Variants in TRIM71 observed in about 807,000 individuals in gnomAD.
The protein encoded by TRIM71 is tripartite motif containing 71.
TRIM71 carries 9 observed loss-of-function variants against 61.2 expected under a neutral mutation model. That is an observed-to-expected ratio of 0.15 (90% CI 0.09 to 0.26). The LOEUF is 0.26. Ranked by LOEUF, TRIM71 falls within the 10% of genes least tolerant of loss-of-function variation. The pLI is 1.00. For synonymous variants in TRIM71, 645 were observed against 553.2 expected (o/e 1.17, Z -2.33); for missense variants, 998 against 1,238.7 (o/e 0.81, Z 2.92).
chr3:32,828,903 C>T (rs1470600247), intron 1 of TRIM71, among the ~76,000 whole-genome samples: 2 of 152,138 alleles, frequency 1.3e-5, no homozygotes, highest in East Asian at 1.9e-4. Flanking sequence ...TGATCTTGAA[C>T]TCTTGGCCTC....
chr3:32,891,197 C>G lies in TRIM71; in HGVS notation c.1993C>G (p.Arg665Gly). The G allele has an allele frequency of 6.2e-7, 1 of 1,613,598 alleles. No individual in the cohort carries two copies. The highest frequency in any genetic ancestry group is 8.5e-7 in the Non-Finnish European group (1 of 1,179,840). ...RPAGVACDAS[R>G]RIVVADKDNH... ...AGCCGGCGTGGCCTGTGACGCCTCA[C>G]GCAGGATCGTGGTGGCTGACAAGGA... is the stretch of plus-strand genomic sequence containing the variant. The change falls in exon 4 of 4, where the codon CGC becomes GGC. Residue 665 changes from arginine to glycine, a missense_variant. Physicochemically the swap from Arg to Gly is moderately radical, Grantham distance 125. This residue lies in a region of TRIM71 where 83 missense variants were observed against 202.7 expected (regional missense o/e 0.41). Transcript: ENST00000383763. The surrounding 1 kb of genome is among the most constrained non-coding windows in gnomAD (Gnocchi z 8.2).
Position 32,818,344 on chromosome 3 carries a change from G to T in TRIM71, c.264G>T (p.Lys88Asn). The T allele has an allele frequency of 6.9e-7, 1 of 1,453,516 alleles. No individual in the cohort carries two copies. The highest frequency in any genetic ancestry group is 9.0e-7 in the Non-Finnish European group (1 of 1,107,414). The allele number at this position is 1,453,516 out of a possible 1,614,324, so 90.0% of individuals were successfully genotyped here. A position where few individuals can be genotyped will look rare whatever the true frequency, so the allele number is the denominator to read the frequency against. The change falls in exon 1 of 4, where the codon AAG (lysine) becomes AAT (asparagine). Residue 88 changes from lysine (K) to asparagine (N), a missense_variant. Transcript: ENST00000383763. The stretch of plus-strand genomic sequence containing the variant: ...GCGGCGCGGCGGGAGAGCCGCTCAA[G>T]CTGCGCTGCCCCGTGTGCGACCAGA... The part of the protein sequence containing the change: ...AGGGAAGEPL[K>N]LRCPVCDQKV...
At chr3:32,842,775 A>G (rs866791172) in intron 1 of TRIM71, among the ~76,000 whole-genome samples, 6 of 132,940 alleles carry the variant, frequency 4.5e-5, no homozygotes, top group African/African-American at 1.7e-4. Flanking sequence ...CCCCACCCCC[A>G]CCCAAGAACC....
At chr3:32,869,891 G>T (rs531786570) in intron 1 of TRIM71, among the ~76,000 whole-genome samples, 4 of 152,318 alleles carry the variant, frequency 2.6e-5, no homozygotes, top group Admixed American at 2.6e-4. Flanking sequence ...GAGGGGGCGT[G>T]TCTGTGCATC....
In TRIM71 at chr3:32,875,664, A is replaced by G. The variant is rs558491737; in HGVS notation, c.1020+1679A>G. Among the ~76,000 whole-genome samples the G allele has an allele frequency of 4.6e-4, 70 of 151,964 alleles. No individual in the cohort carries two copies. The East Asian group carries it at 0.013, about 27-fold the overall frequency. On this transcript the variant is annotated intron_variant, in intron 2 of 3. Coordinates refer to ENST00000383763, the MANE Select transcript of TRIM71 (RefSeq NM_001039111.3). ...AGACCAGCCTGGGCAACATGGGGAAACCCTACAAAAAGTACCAAAATTAGC... is the reference window on the plus strand; with the variant it reads ...AGACCAGCCTGGGCAACATGGGGAAGCCCTACAAAAAGTACCAAAATTAGC...
At chr3:32,869,515 T>C (rs550441468) in intron 1 of TRIM71, among the ~76,000 whole-genome samples, 1 of 152,368 alleles carries the variant, frequency 6.6e-6, no homozygotes, top group African/African-American at 2.4e-5. Context: ...GTGTAAAATC[T>C]AGATTCCAGA....
chr3:32,889,216 A>G lies in TRIM71; in HGVS notation c.1156-1144A>G, dbSNP rs550334116. 7.9e-5 allele frequency among the ~76,000 whole-genome samples: 12 copies of G among 152,284 alleles called. No individual in the cohort carries two copies. In the South Asian group the frequency reaches 2.5e-3, roughly 32 times the overall value. On this transcript the variant is annotated intron_variant, in intron 3 of 3. Transcript: ENST00000383763. ...GTACCTCCAATGCCTGGCAAAGTGT[A>G]GGTGCTCAGTACACTCCTTTGTCAA...
intron 1 of TRIM71, among the ~76,000 whole-genome samples, chr3:32,854,429 G>T (rs1696573895): frequency 1.3e-5 from 2 of 152,166 alleles, no homozygotes. Flanking sequence ...GGCTCTGAGA[G>T]GTTGTGACCA....
intron 1 of TRIM71, among the ~76,000 whole-genome samples, chr3:32,868,263 G>A (rs1696760098): frequency 6.6e-6 from 1 of 152,154 alleles, no homozygotes; most frequent in African/African-American, 2.4e-5. Flanking sequence ...CTTCACATGG[G>A]TGAAGGTCGA....
intron 1 of TRIM71, among the ~76,000 whole-genome samples, chr3:32,846,663 C>T (rs1195824041): frequency 6.7e-6 from 1 of 150,106 alleles, no homozygotes. Context: ...CACCCCTGTC[C>T]CCAGCCCCCC....
At chr3:32,861,006 C>G (rs1696662559) in intron 1 of TRIM71, among the ~76,000 whole-genome samples, 2 of 151,788 alleles carry the variant, frequency 1.3e-5, no homozygotes, top group African/African-American at 4.8e-5. Context: ...GAAACCCCAT[C>G]TCTACTGAAA....
intron 1 of TRIM71, among the ~76,000 whole-genome samples, chr3:32,841,351 G>A (rs1224666394): frequency 6.6e-6 from 1 of 151,784 alleles, no homozygotes; most frequent in East Asian, 2.0e-4. Flanking sequence ...TGTTTTGGGA[G>A]ATGTTACCAT....
rs1003326437 is a variant in TRIM71, at chr3:32,844,852, T to A, written c.852+25920T>A. On this transcript the variant is annotated intron_variant, in intron 1 of 3. Transcript: ENST00000383763. ...TTGAAAAGATAGCCAGTGGAGACAT[T>A]GTATTTCTAAGAAGCCATTCCGTAC... 2.0e-5 allele frequency among the ~76,000 whole-genome samples: 3 copies of A among 152,308 alleles called. No homozygotes were observed. The South Asian group carries it at 6.2e-4, about 32-fold the overall frequency.
chr3:32,854,554 A>G (rs1363937166), intron 1 of TRIM71, among the ~76,000 whole-genome samples: 1 of 152,234 alleles, frequency 6.6e-6, no homozygotes, highest in Non-Finnish European at 1.5e-5. Flanking sequence ...CAGAACTGGA[A>G]GGAACCTTAG....
chr3:32,882,803 G>A (rs1599771), intron 2 of TRIM71, among the ~76,000 whole-genome samples: 151,276 of 152,294 alleles, frequency 0.99, 75,145 homozygotes, highest in Middle Eastern at 1. Flanking sequence ...CTGCCTCCCA[G>A]AGTGCTGGGA....
chr3:32,835,190 A>T (rs932068152), intron 1 of TRIM71, among the ~76,000 whole-genome samples: 1 of 152,228 alleles, frequency 6.6e-6, no homozygotes, highest in African/African-American at 2.4e-5. Flanking sequence ...CGTTATTGGC[A>T]TGTTACGGAC....
chr3:32,867,161 C>T (rs940245179), intron 1 of TRIM71, among the ~76,000 whole-genome samples: 12 of 151,940 alleles, frequency 7.9e-5, no homozygotes, highest in African/African-American at 2.9e-4. Context: ...TGGACACTCC[C>T]ACTTTTACCA....
At chr3:32,876,685 A>G (rs886702081) in intron 2 of TRIM71, among the ~76,000 whole-genome samples, 3 of 152,182 alleles carry the variant, frequency 2.0e-5, no homozygotes, top group African/African-American at 4.8e-5. Flanking sequence ...AAGAGATTGA[A>G]AACAGTTGGA....
chr3:32,891,544 G>A lies in TRIM71; in HGVS notation c.2340G>A (p.Ser780=), dbSNP rs13096271. ...RLLVIHPDCQ[S]ARFLGSEGTG... The stretch of plus-strand genomic sequence containing the variant: ...TGGTTATTCACCCCGACTGCCAGTC[G>A]GCACGCTTTCTGGGCTCGGAGGGCA... Residue 780 remains serine (S), a synonymous_variant, in exon 4 of 4, where the codon TCG becomes TCA. Transcript: ENST00000383763. The surrounding 1 kb of genome is among the most constrained non-coding windows in gnomAD (Gnocchi z 8.2). 176,861 of 1,613,196 alleles carry A rather than the reference G, an allele frequency of 0.11. 11,453 individuals are homozygous for A. The highest frequency in any genetic ancestry group is 0.34 in the East Asian group (15,054 of 44,850).
Sources: allele counts gnomAD v4.1 joint callset (sites outside exome capture counted in the v4.1 genomes callset), GRCh38; gene constraint gnomAD v4.1.1; regional missense constraint gnomAD v4.1.1; non-coding constraint Gnocchi (gnomAD v3.1); transcripts MANE v1.5; gene names NCBI Gene and HGNC (gene_info 2026-07-23, HGNC 2026-07-21).